Variants in CDK12 observed in about 807,000 individuals in gnomAD.
The protein encoded by CDK12 is cyclin dependent kinase 12.
A neutral mutation model predicts 133.8 loss-of-function variants in CDK12; 17 were observed. The ratio of observed to expected loss-of-function variants is 0.13; its 90% confidence interval spans 0.09 to 0.19. The LOEUF is 0.19. Among genes scored for constraint, CDK12 ranks in the 10% least tolerant of loss-of-function variants. The pLI, the probability that CDK12 is intolerant of heterozygous loss-of-function variation, is 1.00. For synonymous variants in CDK12, 694 were observed against 683.6 expected, an observed-to-expected ratio of 1.02 and a Z score of -0.24; for missense variants, 1,508 against 1,818.7, an observed-to-expected ratio of 0.83 and a Z score of 3.11.
chr17:39,535,834 C>T (rs958736407), downstream of CDK12, among the ~76,000 whole-genome samples: 2 of 152,130 alleles, frequency 1.3e-5, no homozygotes, highest in African/African-American at 4.8e-5. Flanking sequence ...TGTTTTTTAA[C>T]TATGGAGTGA....
rs1300446604 is a variant in CDK12 at position 39,525,965 on chromosome 17, C to T, written c.3409C>T (p.Leu1137=). ...CCTGAGCATCCCTCAAATGGCACAG[C>T]TGCTTAACATCCACTCCAACCCAGA... ...TDLSIPQMAQ[L]LNIHSNPEMQ... The change falls in exon 13 of 14, where the codon CTG becomes TTG. Residue 1137 remains leucine, a synonymous_variant. Transcript: ENST00000447079. 5 of 1,614,068 alleles carry T rather than the reference C, an allele frequency of 3.1e-6. No homozygotes were observed. The highest frequency in any genetic ancestry group is 4.2e-6 in the Non-Finnish European group (5 of 1,180,036).
chr17:39,528,565 C>T (rs950254721), intron 13 of CDK12, among the ~76,000 whole-genome samples: 1 of 152,194 alleles, frequency 6.6e-6, no homozygotes, highest in Non-Finnish European at 1.5e-5. Flanking sequence ...TAACTCCTGA[C>T]CTCAAGTGAT....
chr17:39,518,776 C>A, intron 10 of CDK12, among the ~76,000 whole-genome samples: 1 of 152,106 alleles, frequency 6.6e-6, no homozygotes, highest in Non-Finnish European at 1.5e-5. Flanking sequence ...CCAGGCTGGT[C>A]TTGAACTCCT....
At chr17:39,493,824 G>A (rs563097892) in intron 4 of CDK12, among the ~76,000 whole-genome samples, 34 of 151,892 alleles carry the variant, frequency 2.2e-4, no homozygotes, top group Admixed American at 1.8e-3. Context: ...GTGAAACCCC[G>A]TTTCTACTAA....
At chr17:39,516,712 G>A (rs1337960295) in intron 9 of CDK12, among the ~76,000 whole-genome samples, 5 of 146,154 alleles carry the variant, frequency 3.4e-5, no homozygotes, top group Non-Finnish European at 7.5e-5. Context: ...ACCCAGGCTG[G>A]AGTGCAGTGG....
chr17:39,477,538 A>C (rs1031055839), intron 2 of CDK12, among the ~76,000 whole-genome samples: 1 of 142,520 alleles, frequency 7.0e-6, no homozygotes, highest in Non-Finnish European at 1.5e-5. Context: ...GTGCCCAGCT[A>C]ATTTTTGTAT....
intron 2 of CDK12, among the ~76,000 whole-genome samples, chr17:39,483,760 T>G (rs553282588): frequency 8.1e-4 from 123 of 151,820 alleles, no homozygotes; most frequent in African/African-American, 2.9e-3. Flanking sequence ...ACTCTCATGA[T>G]CCGCCTACCT....
upstream of CDK12, among the ~76,000 whole-genome samples, chr17:39,544,557 A>C (rs560163569): frequency 1.3e-5 from 2 of 149,670 alleles, no homozygotes; most frequent in East Asian, 2.0e-4. Context: ...AGCTCACTTC[A>C]ACCTGCGCCT....
chr17:39,487,570 T>G (rs1474148051), intron 2 of CDK12, among the ~76,000 whole-genome samples: 13 of 151,564 alleles, frequency 8.6e-5, no homozygotes. Context: ...TGTTGTACTA[T>G]AGATGTCTTA....
intron 3 of CDK12, among the ~76,000 whole-genome samples, chr17:39,557,787 T>C (rs2056215659): frequency 6.6e-6 from 1 of 152,180 alleles, no homozygotes; most frequent in African/African-American, 2.4e-5. Flanking sequence ...TTGGTTCTTC[T>C]AAATGTCATG....
At chr17:39,507,752 T>A (rs1362361521) in intron 6 of CDK12, among the ~76,000 whole-genome samples, 1 of 152,208 alleles carries the variant, frequency 6.6e-6, no homozygotes, top group Non-Finnish European at 1.5e-5. Context: ...CTTACATAAT[T>A]TCAGGCTTTC....
intron 6 of CDK12, 64 bp downstream of exon 6, chr17:39,501,503 A>G (rs1352006402): frequency 9.0e-7 from 1 of 1,113,584 alleles, no homozygotes; most frequent in African/African-American, 1.6e-5. Context: ...TTAGTTTCAA[A>G]TGGTTAATTG....
chr17:39,509,221 C>T (rs1257241497), intron 6 of CDK12, among the ~76,000 whole-genome samples: 1 of 152,110 alleles, frequency 6.6e-6, no homozygotes, highest in Admixed American at 6.6e-5. Context: ...GCTCTATTGC[C>T]CAGGCTGGAG....
At chr17:39,554,107 G>A (rs1303728331) in intron 2 of CDK12, among the ~76,000 whole-genome samples, 1 of 152,164 alleles carries the variant, frequency 6.6e-6, no homozygotes, top group Non-Finnish European at 1.5e-5. Context: ...GTAGCTCAGT[G>A]CCCCTGGGCA....
chr17:39,555,003 A>T (rs2056098093), intron 2 of CDK12, among the ~76,000 whole-genome samples: 1 of 152,122 alleles, frequency 6.6e-6, no homozygotes, highest in Non-Finnish European at 1.5e-5. Flanking sequence ...TAATCCCAGC[A>T]CTTTGGGAGG....
chr17:39,471,303 C>G lies in CDK12; in HGVS notation c.1471C>G (p.Leu491Val), dbSNP rs369364036. ...VKLDENSEKH[L>V]VKDLKAQGTR... ...GTTGGATGAGAACTCCGAGAAGCAT[C>G]TTGTTAAAGATTTGAAAGCACAGGG... is the stretch of plus-strand genomic sequence containing the variant. The change falls in exon 2 of 14, where the codon CTT (leucine) becomes GTT (valine). Residue 491 changes from leucine (L) to valine (V), a missense_variant. This residue lies in a region of CDK12 where 347 missense variants were observed against 330.8 expected (regional missense o/e 1.05). Coordinates refer to ENST00000447079, the MANE Select transcript of CDK12 (RefSeq NM_016507.4). The G allele has an allele frequency of 1.9e-6, 3 of 1,613,722 alleles. No homozygotes were observed. Among genetic ancestry groups the G allele is most frequent in the East Asian group, 2.2e-5 (1 of 44,892 alleles).
chr17:39,516,447 C>T (rs764597730), intron 9 of CDK12, among the ~76,000 whole-genome samples: 1 of 151,410 alleles, frequency 6.6e-6, no homozygotes, highest in Non-Finnish European at 1.5e-5. Flanking sequence ...GCCTCAAACT[C>T]CTGCACTCAA....
At chr17:39,507,573 T>A (rs369011306) in intron 6 of CDK12, among the ~76,000 whole-genome samples, 1 of 152,032 alleles carries the variant, frequency 6.6e-6, no homozygotes, top group Non-Finnish European at 1.5e-5. Flanking sequence ...AAAAGTGCTA[T>A]CAGCAGGTTC....
intron 11 of CDK12, 65 bp downstream of exon 11, chr17:39,520,152 A>G (rs1297910151): frequency 1.3e-6 from 2 of 1,568,642 alleles, no homozygotes; most frequent in African/African-American, 2.7e-5. Context: ...TGAGAAACTC[A>G]TAAAAGAACC....
Sources: allele counts gnomAD v4.1 joint callset (sites outside exome capture counted in the v4.1 genomes callset), GRCh38; gene constraint gnomAD v4.1.1; regional missense constraint gnomAD v4.1.1; transcripts MANE v1.5; gene names NCBI Gene and HGNC (gene_info 2026-07-23, HGNC 2026-07-21).